Variants in TAFA1 observed in about 807,000 individuals in gnomAD.
TAFA1 encodes the protein TAFA chemokine like family member 1.
TAFA1 carries 4 observed loss-of-function variants against 18.5 expected under a neutral mutation model. That is an observed-to-expected ratio of 0.22 (90% CI 0.11 to 0.49). The LOEUF is 0.49. Ranked by LOEUF, TAFA1 falls within the 20% of genes least tolerant of loss-of-function variation. The pLI, the probability that TAFA1 is intolerant of heterozygous loss-of-function variation, is 0.98. For synonymous variants in TAFA1, 56 were observed against 55.2 expected (o/e 1.01, Z -0.06); for missense variants, 147 against 169.0 (o/e 0.87, Z 0.72).
chr3:68,380,951 G>T (rs1383320162), intron 2 of TAFA1, among the ~76,000 whole-genome samples: 2 of 150,092 alleles, frequency 1.3e-5, no homozygotes, highest in African/African-American at 2.5e-5. Context: ...TTTGTATAAG[G>T]TGTAAGGAAG....
At chr3:68,384,962 T>C (rs1040680969) in intron 2 of TAFA1, among the ~76,000 whole-genome samples, 1 of 152,146 alleles carries the variant, frequency 6.6e-6, no homozygotes, top group African/African-American at 2.4e-5. Context: ...AAAATCTGTT[T>C]TGTCTAAAAC....
intron 2 of TAFA1, among the ~76,000 whole-genome samples, chr3:68,337,991 A>G (rs1289296373): frequency 1.3e-5 from 2 of 152,226 alleles, no homozygotes; most frequent in African/African-American, 2.4e-5. Context: ...GTCAAATTAG[A>G]TTAGCTGGTG....
chr3:68,106,075 C>G (rs1361218543), intron 2 of TAFA1, among the ~76,000 whole-genome samples: 1 of 151,934 alleles, frequency 6.6e-6, no homozygotes, highest in Non-Finnish European at 1.5e-5. Flanking sequence ...GCCCTTCTAT[C>G]TAACTTTCAC....
chr3:68,443,473 C>CAAAAAA (rs56944130), intron 3 of TAFA1, among the ~76,000 whole-genome samples: 32 of 95,372 alleles, frequency 3.4e-4, no homozygotes, highest in African/African-American at 6.5e-4. Context: ...GGGCAATTTA[C>CAAAAAA]AAAAAAAAAA....
the TAFA1 span, among the ~76,000 whole-genome samples, chr3:67,996,897 TGGAGA>T: frequency 2.0e-5 from 3 of 152,102 alleles, no homozygotes; most frequent in East Asian, 5.8e-4. Flanking sequence ...GATAGTCTAG[TGGAGA>T]GACAATAATA....
intron 3 of TAFA1, among the ~76,000 whole-genome samples, chr3:68,418,883 A>C (rs964478580): frequency 6.6e-6 from 1 of 152,186 alleles, no homozygotes; most frequent in African/African-American, 2.4e-5. Context: ...CCCAAAACTT[A>C]GCAGCTTAAA....
chr3:68,188,913 C>T (rs1173451588), intron 2 of TAFA1, among the ~76,000 whole-genome samples: 1 of 151,720 alleles, frequency 6.6e-6, no homozygotes, highest in Non-Finnish European at 1.5e-5. Flanking sequence ...GATACAAGGC[C>T]AGGTGTGCAC....
At chr3:68,538,718 A>T (rs1434973682) in intron 3 of TAFA1, 38 bp from the exon 4 acceptor site, 2 of 1,610,194 alleles carry the variant, frequency 1.2e-6, no homozygotes, top group South Asian at 2.2e-5. Context: ...GGTTGTTTGG[A>T]TGAATTGCAA....
intron 2 of TAFA1, among the ~76,000 whole-genome samples, chr3:68,290,984 AT>A (rs975223823): frequency 6.6e-6 from 1 of 151,416 alleles, no homozygotes; most frequent in African/African-American, 2.4e-5. Flanking sequence ...GCTAAGCTTT[AT>A]TTTTTTTCAC....
chr3:68,307,175 A>G (rs2068437318), intron 2 of TAFA1, among the ~76,000 whole-genome samples: 1 of 152,182 alleles, frequency 6.6e-6, no homozygotes, highest in Non-Finnish European at 1.5e-5. Context: ...TTTAGCTATT[A>G]TTTCTCATTA....
intron 3 of TAFA1, among the ~76,000 whole-genome samples, chr3:68,518,453 T>G (rs958643603): frequency 7.9e-5 from 12 of 152,192 alleles, no homozygotes; most frequent in Non-Finnish European, 2.9e-5. Flanking sequence ...GCACTGAAAT[T>G]TATTAAATTT....
intron 2 of TAFA1, among the ~76,000 whole-genome samples, chr3:68,414,472 C>A (rs954431666): frequency 3.3e-5 from 5 of 152,202 alleles, no homozygotes; most frequent in African/African-American, 1.2e-4. Flanking sequence ...TGCAAAAAGC[C>A]TGAGTTTTGG....
intron 3 of TAFA1, among the ~76,000 whole-genome samples, chr3:68,487,335 A>T (rs1386619605): frequency 6.6e-6 from 1 of 152,234 alleles, no homozygotes; most frequent in African/African-American, 2.4e-5. Flanking sequence ...AAAGAAAAGA[A>T]TAGCCAAGTT....
chr3:68,072,380 G>C (rs1241260379), intron 2 of TAFA1, among the ~76,000 whole-genome samples: 1 of 152,138 alleles, frequency 6.6e-6, no homozygotes, highest in Non-Finnish European at 1.5e-5. Flanking sequence ...TTTATACTGT[G>C]AATTTTAAAG....
chr3:68,334,523 C>T (rs1182493077), intron 2 of TAFA1, among the ~76,000 whole-genome samples: 2 of 152,130 alleles, frequency 1.3e-5, no homozygotes, highest in Non-Finnish European at 2.9e-5. Flanking sequence ...CTCAGTGTGT[C>T]TCAATCTTAA....
chr3:68,410,158 C>T (rs1288438197), intron 2 of TAFA1, among the ~76,000 whole-genome samples: 1 of 152,124 alleles, frequency 6.6e-6, no homozygotes, highest in Non-Finnish European at 1.5e-5. Flanking sequence ...ATATTAGAAA[C>T]TTTCTTTTCC....
At chr3:68,006,296 GT>G (rs1704355265) in intron 1 of TAFA1, 1 of 238,010 alleles carries the variant, frequency 4.2e-6, no homozygotes, top group African/African-American at 2.2e-5. Context: ...GATAACTATA[GT>G]TTAAAGATCA....
intron 3 of TAFA1, among the ~76,000 whole-genome samples, chr3:68,495,097 A>G (rs1424079053): frequency 6.6e-6 from 1 of 152,200 alleles, no homozygotes; most frequent in Non-Finnish European, 1.5e-5. Context: ...TCCATTCTGT[A>G]TATAAAAATC....
At chr3:68,182,214 T>C (rs1013640165) in intron 2 of TAFA1, among the ~76,000 whole-genome samples, 3 of 152,102 alleles carry the variant, frequency 2.0e-5, no homozygotes, top group African/African-American at 4.8e-5. Context: ...GTCTCAAACA[T>C]AAATGAATTC....
Sources: allele counts gnomAD v4.1 joint callset (sites outside exome capture counted in the v4.1 genomes callset), GRCh38; gene constraint gnomAD v4.1.1; transcripts MANE v1.5; gene names NCBI Gene and HGNC (gene_info 2026-07-23, HGNC 2026-07-21).